Variants in CORO1C observed in about 807,000 individuals in gnomAD.
The protein encoded by CORO1C is coronin-1C.
Under a neutral mutation model 51.2 loss-of-function variants are expected in CORO1C, and 14 were observed. The observed-to-expected ratio is 0.27, with a 90% confidence interval of 0.18 to 0.43. The LOEUF (loss-of-function observed/expected upper bound fraction) is 0.43. CORO1C is among the 20% of genes least tolerant of loss of function. The pLI is 1.00. For missense variants in CORO1C, 417 were observed against 607.8 expected (o/e 0.69, Z 3.30); for synonymous variants, 181 against 210.5 (o/e 0.86, Z 1.21).
At chr12:108,648,025 C>T (rs2032450179) in intron 10 of CORO1C, among the ~76,000 whole-genome samples, 1 of 152,174 alleles carries the variant, frequency 6.6e-6, no homozygotes, top group Non-Finnish European at 1.5e-5. Context: ...ACCTGCTCTC[C>T]CGGCAACAGC....
intron 7 of CORO1C, 77 bp downstream of exon 7, chr12:108,654,229 G>T: frequency 1.1e-6 from 1 of 912,440 alleles, no homozygotes; most frequent in Non-Finnish European, 1.8e-6. Context: ...ACAACACATT[G>T]CCCGTCCTCT....
At chr12:108,669,174 A>C (rs2033616254) in intron 3 of CORO1C, among the ~76,000 whole-genome samples, 1 of 152,248 alleles carries the variant, frequency 6.6e-6, no homozygotes. Flanking sequence ...TAAAACTGCA[A>C]AGTAGCTGTC....
chr12:108,666,074 C>T (rs2033464185), intron 3 of CORO1C, among the ~76,000 whole-genome samples: 1 of 152,178 alleles, frequency 6.6e-6, no homozygotes, highest in Admixed American at 6.5e-5. Context: ...GCTTGGTCCA[C>T]CCAGGAGGGC....
At chr12:108,683,246 C>T (rs1429170366) in intron 2 of CORO1C, among the ~76,000 whole-genome samples, 2 of 151,978 alleles carry the variant, frequency 1.3e-5, no homozygotes, top group Non-Finnish European at 2.9e-5. Context: ...AGTGAAACCC[C>T]GTCTCTGCTA....
intron 1 of CORO1C, among the ~76,000 whole-genome samples, chr12:108,724,510 G>A (rs2035542746): frequency 6.6e-6 from 1 of 152,100 alleles, no homozygotes. Context: ...TCCTGTTCTG[G>A]CTGTGATTCA....
intron 2 of CORO1C, among the ~76,000 whole-genome samples, chr12:108,679,870 C>T (rs1464288299): frequency 6.6e-6 from 1 of 152,182 alleles, no homozygotes; most frequent in Non-Finnish European, 1.5e-5. Flanking sequence ...AACAATGATA[C>T]TTATTAACTC....
chr12:108,673,188 T>C (rs1189089930), intron 3 of CORO1C, among the ~76,000 whole-genome samples: 9 of 152,118 alleles, frequency 5.9e-5, no homozygotes. Context: ...AAAAGAAAAG[T>C]TCAGGAAATT....
At chr12:108,686,845 G>A (rs981475764) in intron 2 of CORO1C, among the ~76,000 whole-genome samples, 1 of 152,162 alleles carries the variant, frequency 6.6e-6, no homozygotes, top group African/African-American at 2.4e-5. Flanking sequence ...AGTACAGCCT[G>A]CCCAGAGCCA....
chr12:108,687,414 G>A lies in CORO1C; in HGVS notation c.196-9020C>T, dbSNP rs575601210. On this transcript the variant is annotated intron_variant, in intron 2 of 10. Coordinates refer to ENST00000261401, the MANE Select transcript of CORO1C (RefSeq NM_014325.4). ...AGGTGGGAGGATCACCTGAGCCCAG[G>A]AGGTCAAGGCTGCAGTGAACTATGA... is the stretch of plus-strand genomic sequence containing the variant. Among the ~76,000 whole-genome samples, 3 of 152,252 alleles carry A rather than the reference G, an allele frequency of 2.0e-5. No individual in the cohort carries two copies. In the East Asian group the frequency reaches 5.8e-4, roughly 29 times the overall value.
intron 2 of CORO1C, among the ~76,000 whole-genome samples, chr12:108,696,003 G>A (rs565534148): frequency 1.1e-4 from 17 of 151,980 alleles, no homozygotes; most frequent in Non-Finnish European, 2.4e-4. Flanking sequence ...CCCACACACA[G>A]CTCCTAAAAT....
chr12:108,659,360 C>A (rs1391527647), intron 4 of CORO1C, among the ~76,000 whole-genome samples: 1 of 152,148 alleles, frequency 6.6e-6, no homozygotes, highest in Non-Finnish European at 1.5e-5. Flanking sequence ...TAGGCAAATA[C>A]GCTCCTTCCT....
chr12:108,690,086 G>A (rs979289956), intron 2 of CORO1C, among the ~76,000 whole-genome samples: 1 of 152,148 alleles, frequency 6.6e-6, no homozygotes. Context: ...CCACGGGGAG[G>A]AGCTAGAGTG....
intron 1 of CORO1C, among the ~76,000 whole-genome samples, chr12:108,710,325 G>A (rs144490525): frequency 3.7e-4 from 57 of 152,178 alleles, no homozygotes; most frequent in African/African-American, 1.3e-3. Context: ...ATTACGGGCT[G>A]CTCTGCCTAT....
At chr12:108,648,474 C>T in intron 10 of CORO1C, 131 bp downstream of exon 10, 2 of 1,253,644 alleles carry the variant, frequency 1.6e-6, no homozygotes, top group Admixed American at 2.0e-5. Flanking sequence ...GACCTTCTCC[C>T]ACTTTTTCAT....
intron 2 of CORO1C, among the ~76,000 whole-genome samples, chr12:108,689,875 T>G (rs1057324067): frequency 3.9e-5 from 6 of 152,310 alleles, no homozygotes; most frequent in Admixed American, 3.9e-4. Flanking sequence ...AAGGAGAATG[T>G]TAAGTCACAC....
At chr12:108,676,415 A>G (rs1643806058) in intron 3 of CORO1C, among the ~76,000 whole-genome samples, 1 of 152,202 alleles carries the variant, frequency 6.6e-6, no homozygotes, top group African/African-American at 2.4e-5. Context: ...TGCTAGAGAC[A>G]GGGAGAGCCA....
At chr12:108,694,111 G>A (rs1474960628) in intron 2 of CORO1C, among the ~76,000 whole-genome samples, 1 of 151,976 alleles carries the variant, frequency 6.6e-6, no homozygotes, top group Non-Finnish European at 1.5e-5. Context: ...GTGAAACTCT[G>A]TCTCTACTAA....
In CORO1C at chr12:108,702,884, G is replaced by A. The variant is rs1289881945; in HGVS notation, c.-5-1561C>T. 7.2e-6 allele frequency: 11 copies of A among 1,535,898 alleles called. No individual in the cohort carries two copies. In the Admixed American group the frequency reaches 2.0e-4, roughly 27 times the overall value. On this transcript the variant is annotated intron_variant, in intron 1 of 10. Coordinates refer to ENST00000261401, the MANE Select transcript of CORO1C (RefSeq NM_014325.4). ...TAAGAGACCCTTGGCAGGCAATTGAGCATCCACGTTCCTTAGCCCAGCTGT... is the reference window on the plus strand; with the variant it reads ...TAAGAGACCCTTGGCAGGCAATTGAACATCCACGTTCCTTAGCCCAGCTGT...
intron 1 of CORO1C, among the ~76,000 whole-genome samples, chr12:108,715,989 G>T (rs935907127): frequency 1.3e-5 from 2 of 151,626 alleles, no homozygotes; most frequent in Non-Finnish European, 2.9e-5. Flanking sequence ...AAATTGGCCA[G>T]GCGTGGTGGC....
Sources: gnomAD v4.1 joint callset for allele counts (sites outside exome capture counted in the v4.1 genomes callset) on GRCh38, gnomAD v4.1.1 for gene constraint, MANE v1.5 for transcripts, NCBI Gene and HGNC (gene_info 2026-07-23, HGNC 2026-07-21) for gene names.